Variants in AGBL1 observed in about 807,000 individuals in gnomAD.
The protein encoded by AGBL1 is AGBL carboxypeptidase 1.
A neutral mutation model predicts 118.9 loss-of-function variants in AGBL1; 130 were observed. That is an observed-to-expected ratio of 1.09 (90% CI 0.95 to 1.26). The LOEUF (loss-of-function observed/expected upper bound fraction) is 1.26, where lower values mean the gene tolerates loss of function less well. AGBL1 is among the 50% of genes most tolerant of loss of function. The pLI, the probability that AGBL1 is intolerant of heterozygous loss-of-function variation, is 0.00. For synonymous variants in AGBL1, 555 were observed against 478.9 expected, an observed-to-expected ratio of 1.16 and a Z score of -2.08; for missense variants, 1,584 against 1,298.1, an observed-to-expected ratio of 1.22 and a Z score of -3.38.
chr15:86,567,520 A>C (rs2083933267), intron 21 of AGBL1, among the ~76,000 whole-genome samples: 1 of 152,248 alleles, frequency 6.6e-6, no homozygotes. Context: ...GGAAGGAAAC[A>C]GATTTAAATT....
chr15:86,218,917 G>A (rs888968753), intron 5 of AGBL1, among the ~76,000 whole-genome samples: 11 of 152,202 alleles, frequency 7.2e-5, no homozygotes, highest in South Asian at 2.1e-4. Context: ...TTGTCAGACC[G>A]TAAGCAGAGG....
intron 17 of AGBL1, among the ~76,000 whole-genome samples, chr15:86,363,259 C>G (rs2080833553): frequency 6.6e-6 from 1 of 152,168 alleles, no homozygotes; most frequent in African/African-American, 2.4e-5. Flanking sequence ...CAGATGCAAA[C>G]TGGGCACCTC....
intron 23 of AGBL1, among the ~76,000 whole-genome samples, chr15:86,982,379 T>C (rs1469206531): frequency 6.7e-6 from 1 of 150,104 alleles, no homozygotes; most frequent in Non-Finnish European, 1.5e-5. Context: ...ATTTAGCTTG[T>C]GGTACATTCT....
intron 5 of AGBL1, among the ~76,000 whole-genome samples, chr15:86,186,478 A>G (rs1455899296): frequency 1.3e-5 from 2 of 152,190 alleles, no homozygotes; most frequent in African/African-American, 4.8e-5. Context: ...ATGTCAGTGT[A>G]AAGATTGTTT....
intron 22 of AGBL1, among the ~76,000 whole-genome samples, chr15:86,861,051 G>T (rs780480781): frequency 1.3e-5 from 2 of 152,114 alleles, no homozygotes; most frequent in African/African-American, 4.8e-5. Flanking sequence ...GCAGGGGTCT[G>T]TTGATTTCAT....
chr15:86,658,013 C>T (rs2085487859), intron 21 of AGBL1, among the ~76,000 whole-genome samples: 2 of 151,556 alleles, frequency 1.3e-5, no homozygotes, highest in African/African-American at 4.9e-5. Context: ...TATACATACA[C>T]ATAAATATAT....
chr15:86,487,210 C>T (rs1489333287), intron 18 of AGBL1, among the ~76,000 whole-genome samples: 1 of 151,962 alleles, frequency 6.6e-6, no homozygotes, highest in African/African-American at 2.4e-5. Flanking sequence ...AAGGAGATGG[C>T]CACAGGGTGC....
intron 20 of AGBL1, among the ~76,000 whole-genome samples, chr15:86,548,382 T>C (rs772112366): frequency 6.6e-6 from 1 of 152,154 alleles, no homozygotes; most frequent in Non-Finnish European, 1.5e-5. Flanking sequence ...TGGTACTACT[T>C]CTAGTTATGT....
intron 23 of AGBL1, among the ~76,000 whole-genome samples, chr15:86,933,333 G>GT (rs1229414799): frequency 6.6e-6 from 1 of 152,130 alleles, no homozygotes; most frequent in Non-Finnish European, 1.5e-5. Context: ...TCCCCTCCTT[G>GT]TTTGGGGGAT....
chr15:86,539,791 C>T (rs2083470091), intron 19 of AGBL1, among the ~76,000 whole-genome samples: 1 of 152,202 alleles, frequency 6.6e-6, no homozygotes, highest in Non-Finnish European at 1.5e-5. Context: ...CAAGGTGCTG[C>T]TCCCTTGGAG....
intron 20 of AGBL1, among the ~76,000 whole-genome samples, chr15:86,550,812 A>T (rs2083654001): frequency 6.6e-6 from 1 of 152,012 alleles, no homozygotes; most frequent in Non-Finnish European, 1.5e-5. Flanking sequence ...AAATTTCTCC[A>T]GCATAGATCT....
intron 9 of AGBL1, 191 bp from the exon 10 acceptor site, chr15:86,262,587 T>G (rs569079836): frequency 1.5e-6 from 1 of 656,552 alleles, no homozygotes; most frequent in Admixed American, 2.1e-5. Context: ...GACAAGTCCT[T>G]TATCTTCTTT....
exon 24 of AGBL1, chr15:86,988,087 C>A (rs1251210341): frequency 6.2e-7 from 1 of 1,613,276 alleles, no homozygotes; most frequent in Non-Finnish European, 8.5e-7. Context: ...GCATGTCTCC[C>A]CGTGAGTATG....
chr15:86,746,356 G>A (rs1013923630), intron 22 of AGBL1, among the ~76,000 whole-genome samples: 2 of 152,072 alleles, frequency 1.3e-5, no homozygotes, highest in Non-Finnish European at 2.9e-5. Flanking sequence ...GCTATTCCCA[G>A]TTCCTAAATC....
intron 21 of AGBL1, among the ~76,000 whole-genome samples, chr15:86,568,201 G>T (rs1349652159): frequency 1.3e-5 from 2 of 152,066 alleles, no homozygotes; most frequent in African/African-American, 4.8e-5. Context: ...CCAGGTCAGG[G>T]TATTTTAAAT....
intron 22 of AGBL1, among the ~76,000 whole-genome samples, chr15:86,817,610 G>C (rs1041303152): frequency 6.9e-6 from 1 of 143,918 alleles, no homozygotes; most frequent in African/African-American, 2.6e-5. Context: ...GAGAGAGAGA[G>C]AAAAAGAGAC....
intron 18 of AGBL1, among the ~76,000 whole-genome samples, chr15:86,472,656 C>A (rs185601676): frequency 6.6e-6 from 1 of 152,192 alleles, no homozygotes; most frequent in South Asian, 2.1e-4. Flanking sequence ...CCACGGCTCA[C>A]GCCTGTAATC....
chr15:86,513,495 A>G (rs552365787), intron 18 of AGBL1, among the ~76,000 whole-genome samples: 1 of 152,146 alleles, frequency 6.6e-6, no homozygotes, highest in South Asian at 2.1e-4. Context: ...AGACTTCTCC[A>G]TCATAAAGTT....
intron 22 of AGBL1, among the ~76,000 whole-genome samples, chr15:86,884,316 T>C (rs1465803330): frequency 1.3e-5 from 2 of 152,162 alleles, no homozygotes; most frequent in Non-Finnish European, 2.9e-5. Flanking sequence ...GGAGGATTCA[T>C]GTTCAGGCCA....
Sources: allele counts gnomAD v4.1 joint callset (sites outside exome capture counted in the v4.1 genomes callset), GRCh38; gene constraint gnomAD v4.1.1; transcripts MANE v1.5; gene names NCBI Gene and HGNC (gene_info 2026-07-23, HGNC 2026-07-21).